The following GRIP2 variants were observed in gnomAD, a reference collection of about 807,000 sequenced individuals.
GRIP2 encodes glutamate receptor interacting protein 2, also known as glutamate receptor-interacting protein 2.
GRIP2 carries 58 observed loss-of-function variants against 108.3 expected under a neutral mutation model. The ratio of observed to expected loss-of-function variants is 0.54; its 90% CI spans 0.43 to 0.67. GRIP2 has a LOEUF of 0.67. Among genes scored for constraint, GRIP2 ranks in the 30% least tolerant of loss-of-function variants. GRIP2 has a pLI of 0.00. For synonymous variants in GRIP2, 586 were observed against 598.2 expected (o/e 0.98, Z 0.30); for missense variants, 1,278 against 1,430.6 (o/e 0.89, Z 1.72).
chr3:14,504,300 C>A (rs991427074), intron 20 of GRIP2, among the ~76,000 whole-genome samples: 1 of 150,950 alleles, frequency 6.6e-6, no homozygotes, highest in Non-Finnish European at 1.5e-5. Flanking sequence ...ATTTACAAAG[C>A]ACTTGCTTGT....
rs369309014 is a variant in GRIP2, at chr3:14,514,401, C to G, written c.1384G>C (p.Asp462His). The change falls in exon 12 of 24, where the codon GAC (aspartate) becomes CAC (histidine). Residue 462 changes from aspartate (D) to histidine (H), a missense_variant. Transcript: ENST00000621039. ...TGGAGGCCAAAGCCGCTGAGGGGGT[C>G]TCCACAGAGCACGACCTCCGTGGTC... is the stretch of plus-strand genomic sequence containing the variant. ...TETTEVVLCG[D>H]PLSGFGLQLQ... 3 of 1,574,442 alleles carry G rather than the reference C, an allele frequency of 1.9e-6. No individual in the cohort carries two copies. Among genetic ancestry groups the G allele is most frequent in the Non-Finnish European group, 2.6e-6 (3 of 1,161,334 alleles).
the GRIP2 span, among the ~76,000 whole-genome samples, chr3:14,578,353 A>C: frequency 6.6e-6 from 1 of 152,168 alleles, no homozygotes. Flanking sequence ...AATAGGGATA[A>C]TATCATGATT....
At chr3:14,550,022 C>G (rs1695119824) in intron 1 of GRIP2, among the ~76,000 whole-genome samples, 1 of 151,994 alleles carries the variant, frequency 6.6e-6, no homozygotes, top group Admixed American at 6.6e-5. Context: ...GAGAATATGC[C>G]AGAAAGATCA....
At chr3:14,555,313 C>T (rs1468623736) in intron 1 of GRIP2, among the ~76,000 whole-genome samples, 2 of 152,162 alleles carry the variant, frequency 1.3e-5, no homozygotes, top group Non-Finnish European at 2.9e-5. Flanking sequence ...CAACCCCAGC[C>T]CATCTGGACA....
At chr3:14,567,769 AG>A in the GRIP2 span, among the ~76,000 whole-genome samples, 2 of 152,250 alleles carry the variant, frequency 1.3e-5, no homozygotes, top group Non-Finnish European at 2.9e-5. Context: ...GCAGTGAATA[AG>A]GCTTCCAGCA....
the GRIP2 span, among the ~76,000 whole-genome samples, chr3:14,564,944 C>T: frequency 1.3e-5 from 2 of 152,240 alleles, no homozygotes; most frequent in Non-Finnish European, 2.9e-5. Flanking sequence ...TCTTGCTCAG[C>T]TCCGTGCGAG....
intron 7 of GRIP2, chr3:14,520,970 TCAG>T (rs926272013): frequency 5.1e-6 from 1 of 197,148 alleles, no homozygotes; most frequent in African/African-American, 2.3e-5. Context: ...TGTCTAAATC[TCAG>T]CAGATCAGGC....
At chr3:14,586,686 G>A in the GRIP2 span, among the ~76,000 whole-genome samples, 43 of 152,294 alleles carry the variant, frequency 2.8e-4, no homozygotes, top group South Asian at 2.5e-3. Flanking sequence ...TAACATCTGC[G>A]GGGGGAAAGC....
the GRIP2 span, among the ~76,000 whole-genome samples, chr3:14,565,995 T>TCA: frequency 6.6e-6 from 1 of 152,278 alleles, no homozygotes; most frequent in South Asian, 2.1e-4. Context: ...TTCCTGTGGG[T>TCA]CACAGCACAG....
At chr3:14,564,667 C>T in the GRIP2 span, among the ~76,000 whole-genome samples, 1 of 152,220 alleles carries the variant, frequency 6.6e-6, no homozygotes, top group Non-Finnish European at 1.5e-5. Flanking sequence ...TGCTGAGCTT[C>T]AGTTTCCTCA....
the GRIP2 span, among the ~76,000 whole-genome samples, chr3:14,595,019 C>A: frequency 6.6e-6 from 1 of 152,184 alleles, no homozygotes; most frequent in Non-Finnish European, 1.5e-5. Flanking sequence ...ACCTCAGCCT[C>A]CCGAGTAGCT....
the GRIP2 span, among the ~76,000 whole-genome samples, chr3:14,582,743 T>A: frequency 1.3e-5 from 2 of 152,150 alleles, no homozygotes; most frequent in Non-Finnish European, 2.9e-5. Context: ...GCTGAGAGGG[T>A]GTCTCCCTCC....
upstream of GRIP2, among the ~76,000 whole-genome samples, chr3:14,559,962 G>A (rs1416563489): frequency 1.3e-5 from 2 of 152,184 alleles, no homozygotes; most frequent in African/African-American, 4.8e-5. Context: ...ATTTATGCTA[G>A]GCATCTGAGG....
At chr3:14,497,047 C>T (rs927464310) in intron 21 of GRIP2, among the ~76,000 whole-genome samples, 6 of 151,794 alleles carry the variant, frequency 4.0e-5, no homozygotes, top group Admixed American at 2.0e-4. Flanking sequence ...CCGCAACCTC[C>T]GCCTCACAGG....
the GRIP2 span, among the ~76,000 whole-genome samples, chr3:14,587,941 TATAC>T: frequency 6.6e-6 from 1 of 152,230 alleles, no homozygotes; most frequent in Non-Finnish European, 1.5e-5. Context: ...TGCAGTGACA[TATAC>T]ATATTATTCA....
At chr3:14,560,714 C>A (rs1406066225), upstream of GRIP2, among the ~76,000 whole-genome samples, 1 of 152,078 alleles carries the variant, frequency 6.6e-6, no homozygotes, top group Non-Finnish European at 1.5e-5. Flanking sequence ...TGGAACCCAC[C>A]ATGCCTGAAG....
At chr3:14,601,066 T>TCACACACACACA in the GRIP2 span, among the ~76,000 whole-genome samples, 1 of 148,918 alleles carries the variant, frequency 6.7e-6, no homozygotes, top group African/African-American at 2.5e-5. Context: ...TCTCTCTCTC[T>TCACACACACACA]CACACACACA....
chr3:14,560,855 G>A (rs138794807), upstream of GRIP2, among the ~76,000 whole-genome samples: 164 of 152,312 alleles, frequency 1.1e-3, no homozygotes, highest in African/African-American at 3.7e-3. Context: ...CAGAGTTCCA[G>A]ATTCCAGCAC....
chr3:14,572,262 T>G, the GRIP2 span, among the ~76,000 whole-genome samples: 1 of 106,724 alleles, frequency 9.4e-6, no homozygotes, highest in South Asian at 2.7e-4. Context: ...CAATGGAACT[T>G]TTTTTTTTTT....
Sources: allele counts gnomAD v4.1 joint callset (sites outside exome capture counted in the v4.1 genomes callset), GRCh38; gene constraint gnomAD v4.1.1; transcripts MANE v1.5; gene names NCBI Gene and HGNC (gene_info 2026-07-23, HGNC 2026-07-21).